The following SYNE2 variants were observed in gnomAD, a reference collection of about 807,000 sequenced individuals.
SYNE2 encodes nesprin-2.
Under a neutral mutation model 856.3 loss-of-function variants are expected in SYNE2, and 431 were observed. The ratio of observed to expected loss-of-function variants is 0.50; its 90% CI spans 0.47 to 0.55. SYNE2 has a LOEUF of 0.55. Among genes scored for constraint, SYNE2 ranks in the 20% least tolerant of loss-of-function variants. SYNE2 has a pLI of 0.00. For synonymous variants in SYNE2, 2,923 were observed against 2,872.3 expected (o/e 1.02, Z -0.56); for missense variants, 8,129 against 8,023.2 (o/e 1.01, Z -0.50).
At chr14:64,000,523 C>G in intron 27 of SYNE2, 39 bp from the exon 28 acceptor site, 3 of 1,568,298 alleles carry the variant, frequency 1.9e-6, no homozygotes, top group Non-Finnish European at 1.8e-6. Context: ...TGTCTATTAA[C>G]CCCATTAGTT....
At chr14:63,818,024 C>CAAAAAA (rs34186501) in intron 1 of SYNE2, among the ~76,000 whole-genome samples, 5 of 64,752 alleles carry the variant, frequency 7.7e-5, no homozygotes, top group South Asian at 7.3e-4. Context: ...GACCCTTTCT[C>CAAAAAA]AAAAAAAAAA....
Position 64,097,958 on chromosome 14 carries a change from G to A in SYNE2, c.12118G>A (p.Glu4040Lys), listed in dbSNP as rs1245656240. The A allele has an allele frequency of 5.0e-6, 8 of 1,614,026 alleles. No individual in the cohort carries two copies. Among genetic ancestry groups the A allele is most frequent in the African/African-American group, 1.3e-5 (1 of 74,920 alleles). ...CACTCTTTCTACACAGGGAGAAATC[G>A]AACGTATGGAGAAACAGATTCTGAG... The part of the protein sequence containing the change: ...DKLPQLQGEI[E>K]RMEKQILSLN... The change falls in exon 62 of 116, where the codon GAA (glutamate) becomes AAA (lysine). Residue 4040 changes from glutamate to lysine, a missense_variant. Physicochemically the swap from Glu to Lys is moderately conservative, Grantham distance 56. This residue lies in a region of SYNE2 where 5,410 missense variants were observed against 5,284.8 expected (regional missense o/e 1.02). Transcript: ENST00000555002.
At chr14:64,000,473 C>T in intron 27 of SYNE2, 89 bp from the exon 28 acceptor site, 1 of 1,198,860 alleles carries the variant, frequency 8.3e-7, no homozygotes, top group Non-Finnish European at 1.2e-6. Context: ...TTTGCTTCCA[C>T]AGTTGGTGAA....
chr14:64,038,312 C>T (rs1279650587), intron 45 of SYNE2, among the ~76,000 whole-genome samples: 1 of 152,142 alleles, frequency 6.6e-6, no homozygotes, highest in African/African-American at 2.4e-5. Context: ...CTCCTCACTT[C>T]CTAGATGAGA....
intron 99 of SYNE2, chr14:64,202,231 T>C (rs2098574969): frequency 1.4e-6 from 1 of 702,376 alleles, no homozygotes; most frequent in East Asian, 2.7e-5. Flanking sequence ...GCTGGTTCAA[T>C]GTATACGGCT....
chr14:63,894,140 C>T (rs1311242974), intron 1 of SYNE2, among the ~76,000 whole-genome samples: 1 of 151,032 alleles, frequency 6.6e-6, no homozygotes, highest in Middle Eastern at 3.5e-3. Flanking sequence ...GTTTTAACAG[C>T]TTTTTGAAGA....
chr14:64,208,782 C>T lies in SYNE2; in HGVS notation c.18226C>T (p.His6076Tyr). 1 of 1,614,238 alleles carries T rather than the reference C, an allele frequency of 6.2e-7. No homozygotes were observed. Among genetic ancestry groups the T allele is most frequent in the Non-Finnish European group, 8.5e-7 (1 of 1,180,048 alleles). The change falls in exon 101 of 116, where the codon CAC (histidine) becomes TAC (tyrosine). Residue 6076 changes from histidine to tyrosine, a missense_variant. His to Tyr is a moderately conservative substitution (Grantham distance 83, BLOSUM62 2). Around this residue, in one of 3 missense-constraint regions of SYNE2, gnomAD observed 5,410 missense variants for 5,284.8 expected, o/e 1.02. Transcript: ENST00000555002. The part of the protein sequence containing the change: ...QQDLQRDIEQ[H>Y]SAGVESVFNI... ...GGATCTACAGCGAGATATTGAACAA[C>T]ACAGCGCAGGGGTGGAGTCCGTGTT... is the stretch of plus-strand genomic sequence containing the variant.
intron 1 of SYNE2, among the ~76,000 whole-genome samples, chr14:63,812,809 T>C (rs11158511): frequency 0.63 from 96,216 of 152,014 alleles, 30,924 homozygotes; most frequent in South Asian, 0.77. Flanking sequence ...AAAAACTAGC[T>C]TCTAGGTGCA....
chr14:64,114,113 C>T (rs2097835326), intron 66 of SYNE2, among the ~76,000 whole-genome samples: 1 of 152,070 alleles, frequency 6.6e-6, no homozygotes, highest in Non-Finnish European at 1.5e-5. Context: ...ATTGAAGATA[C>T]AGCATAAAAG....
intron 1 of SYNE2, among the ~76,000 whole-genome samples, chr14:63,889,338 G>A (rs1052033504): frequency 3.3e-5 from 5 of 151,994 alleles, no homozygotes; most frequent in African/African-American, 1.2e-4. Flanking sequence ...TCTAAAAATA[G>A]CTGGATACAT....
intron 51 of SYNE2, among the ~76,000 whole-genome samples, chr14:64,068,795 G>A (rs2097377590): frequency 6.6e-6 from 1 of 150,806 alleles, no homozygotes; most frequent in Admixed American, 6.6e-5. Context: ...TAGGGCGTGG[G>A]AGGTTACAGT....
At chr14:64,055,320 A>G (rs1036591997) in intron 48 of SYNE2, among the ~76,000 whole-genome samples, 9 of 151,658 alleles carry the variant, frequency 5.9e-5, no homozygotes, top group African/African-American at 9.7e-5. Context: ...TATTCTTGAG[A>G]TGTTATTTTG....
chr14:64,010,183 T>C (rs2096832669), intron 32 of SYNE2, 67 bp downstream of exon 32: 1 of 1,477,526 alleles, frequency 6.8e-7, no homozygotes. Flanking sequence ...AGTAAAGAGA[T>C]ATTATAGATT....
chr14:64,101,324 G>A (rs374384724), intron 63 of SYNE2, among the ~76,000 whole-genome samples: 1 of 152,070 alleles, frequency 6.6e-6, no homozygotes, highest in South Asian at 2.1e-4. Context: ...ATTCTAACAG[G>A]TGTAAAGTAG....
intron 1 of SYNE2, among the ~76,000 whole-genome samples, chr14:63,820,157 A>C (rs1440636566): frequency 5.3e-5 from 8 of 152,184 alleles, no homozygotes; most frequent in Admixed American, 5.2e-4. Flanking sequence ...AAAGTTGGAG[A>C]ACTGATACTA....
intron 51 of SYNE2, among the ~76,000 whole-genome samples, chr14:64,068,861 C>CAAAAAAAAAAAAAA (rs10546690): frequency 7.8e-5 from 6 of 76,644 alleles, no homozygotes; most frequent in African/African-American, 2.7e-4. Context: ...GACTCCGTCT[C>CAAAAAAAAAAAAAA]AAAAAAAAAA....
chr14:64,212,564 A>T (rs563959428), intron 104 of SYNE2, among the ~76,000 whole-genome samples: 1 of 152,330 alleles, frequency 6.6e-6, no homozygotes, highest in Non-Finnish European at 1.5e-5. Context: ...GTAAATGTCC[A>T]CCCGTGTCAA....
chr14:63,827,279 A>G (rs563215632), intron 1 of SYNE2, among the ~76,000 whole-genome samples: 399 of 149,084 alleles, frequency 2.7e-3, no homozygotes, highest in Non-Finnish European at 4.3e-3. Context: ...CTCTGTCTCA[A>G]AAAAAAAAAA....
At chr14:63,885,656 C>T (rs2094966315) in intron 1 of SYNE2, among the ~76,000 whole-genome samples, 1 of 152,144 alleles carries the variant, frequency 6.6e-6, no homozygotes, top group African/African-American at 2.4e-5. Flanking sequence ...GGCTGGACTG[C>T]AGTGGCGTGA....
Sources: allele counts gnomAD v4.1 joint callset (sites outside exome capture counted in the v4.1 genomes callset), GRCh38; gene constraint gnomAD v4.1.1; regional missense constraint gnomAD v4.1.1; transcripts MANE v1.5; gene names NCBI Gene and HGNC (gene_info 2026-07-23, HGNC 2026-07-21).